CREB5: variants seen among roughly 807,000 people sequenced by gnomAD.
CREB5 encodes cyclic AMP-responsive element-binding protein 5.
Under a neutral mutation model 57.1 loss-of-function variants are expected in CREB5, and 19 were observed. The ratio of observed to expected loss-of-function variants is 0.33; its 90% CI spans 0.23 to 0.49. CREB5 has a LOEUF of 0.49. Ranked by LOEUF, CREB5 falls within the 20% of genes least tolerant of loss-of-function variation. The pLI, the probability that CREB5 is intolerant of heterozygous loss-of-function variation, is 0.99. For missense variants in CREB5, 579 were observed against 671.6 expected (o/e 0.86, Z 1.52); for synonymous variants, 238 against 238.3 (o/e 1.00, Z 0.01).
intron 7 of CREB5, among the ~76,000 whole-genome samples, chr7:28,775,398 A>G (rs1806561428): frequency 6.6e-6 from 1 of 152,064 alleles, no homozygotes; most frequent in South Asian, 2.1e-4. Flanking sequence ...ACAGAACTGT[A>G]TAAGAAATGA....
chr7:28,731,849 A>G (rs1055160743), intron 7 of CREB5, among the ~76,000 whole-genome samples: 1 of 152,176 alleles, frequency 6.6e-6, no homozygotes, highest in Non-Finnish European at 1.5e-5. Context: ...AATGGGCTCA[A>G]TTCTCTATGA....
intron 5 of CREB5, among the ~76,000 whole-genome samples, chr7:28,701,707 G>T (rs34185967): frequency 0.28 from 41,964 of 152,088 alleles, 6,510 homozygotes; most frequent in Middle Eastern, 0.39. Flanking sequence ...TCAAATGATA[G>T]TTATAGTAAT....
intron 7 of CREB5, among the ~76,000 whole-genome samples, chr7:28,754,109 T>C (rs979559280): frequency 6.6e-6 from 1 of 152,152 alleles, no homozygotes; most frequent in East Asian, 1.9e-4. Context: ...TTGTATGCAG[T>C]GTTCCACTCC....
At chr7:28,642,989 C>CAT (rs1554279323) in intron 5 of CREB5, among the ~76,000 whole-genome samples, 1,432 of 70,892 alleles carry the variant, frequency 0.02, 18 homozygotes, top group African/African-American at 0.044. Flanking sequence ...CACACACATA[C>CAT]ACACACACAC....
At chr7:28,685,910 C>A in intron 5 of CREB5, 1 of 436,782 alleles carries the variant, frequency 2.3e-6, no homozygotes. Context: ...TCAGTTCTGC[C>A]AGATTTAAGT....
intron 5 of CREB5, among the ~76,000 whole-genome samples, chr7:28,680,052 G>GGCACAAAT (rs1800512327): frequency 1.3e-5 from 2 of 152,214 alleles, no homozygotes; most frequent in African/African-American, 4.8e-5. Context: ...GGGACTAAGG[G>GGCACAAAT]GCACAAATGA....
intron 1 of CREB5, among the ~76,000 whole-genome samples, chr7:28,359,516 T>C (rs1177093091): frequency 1.3e-5 from 2 of 152,194 alleles, no homozygotes; most frequent in South Asian, 2.1e-4. Context: ...TGGATATCCA[T>C]GTACAGAAGA....
At chr7:28,780,492 C>T in intron 7 of CREB5, among the ~76,000 whole-genome samples, 1 of 152,134 alleles carries the variant, frequency 6.6e-6, no homozygotes, top group East Asian at 1.9e-4. Flanking sequence ...GAGACTGAGG[C>T]AGGCAGATCA....
intron 4 of CREB5, among the ~76,000 whole-genome samples, chr7:28,530,558 T>A (rs1793681404): frequency 6.6e-6 from 1 of 152,224 alleles, no homozygotes; most frequent in South Asian, 2.1e-4. Context: ...TATTTATTTT[T>A]CCTTCTTGCT....
chr7:28,527,027 C>A (rs911416089), intron 4 of CREB5, among the ~76,000 whole-genome samples: 1 of 152,156 alleles, frequency 6.6e-6, no homozygotes, highest in African/African-American at 2.4e-5. Flanking sequence ...GGTGGCAGAA[C>A]CTTGACTTTT....
At chr7:28,805,606 A>G (rs1345183405) in intron 8 of CREB5, among the ~76,000 whole-genome samples, 3 of 152,236 alleles carry the variant, frequency 2.0e-5, no homozygotes, top group Admixed American at 2.0e-4. Context: ...AGCCATCCAC[A>G]GAATGGGTCA....
intron 7 of CREB5, among the ~76,000 whole-genome samples, chr7:28,740,654 G>GA (rs1804277729): frequency 6.6e-6 from 1 of 152,116 alleles, no homozygotes; most frequent in South Asian, 2.1e-4. Context: ...TGAAAAAAAG[G>GA]AAAAAACAGT....
At chr7:28,447,349 G>A (rs572474443) in intron 1 of CREB5, among the ~76,000 whole-genome samples, 78 of 152,342 alleles carry the variant, frequency 5.1e-4, no homozygotes, top group African/African-American at 1.8e-3. Context: ...CCCAAGAAAT[G>A]AAGATGAGGT....
chr7:28,757,757 T>G (rs1166694991), intron 7 of CREB5, among the ~76,000 whole-genome samples: 1 of 152,150 alleles, frequency 6.6e-6, no homozygotes, highest in African/African-American at 2.4e-5. Flanking sequence ...TCCTAAATGC[T>G]GGGGACCAGA....
At chr7:28,447,256 TA>T (rs1272603898) in intron 1 of CREB5, among the ~76,000 whole-genome samples, 2 of 152,176 alleles carry the variant, frequency 1.3e-5, no homozygotes, top group Non-Finnish European at 2.9e-5. Flanking sequence ...CAACAAATGG[TA>T]GTTCTTTTTC....
intron 7 of CREB5, among the ~76,000 whole-genome samples, chr7:28,797,458 G>GAATTTAATTT (rs1173581898): frequency 5.9e-5 from 9 of 152,248 alleles, no homozygotes; most frequent in Non-Finnish European, 8.8e-5. Flanking sequence ...ATTTTTCTAG[G>GAATTTAATTT]TCTTATGGAA....
upstream of CREB5, among the ~76,000 whole-genome samples, chr7:28,408,525 C>T (rs959727936): frequency 6.6e-6 from 1 of 152,180 alleles, no homozygotes; most frequent in African/African-American, 2.4e-5. Context: ...CTCCCCAGCC[C>T]GTGAGCTTGG....
intron 1 of CREB5, among the ~76,000 whole-genome samples, chr7:28,366,943 A>C (rs954213279): frequency 6.6e-5 from 10 of 152,180 alleles, no homozygotes; most frequent in Non-Finnish European, 1.0e-4. Flanking sequence ...TCTTTATTTT[A>C]TTAGGTACAT....
At position 28,560,879 on chromosome 7, in the gene CREB5, C is replaced by CGTGCGTGTGCGTGCGT. The variant is rs1554344366; in HGVS notation, c.292-9479_292-9478insTGCGTGCGTGTGCGTG. ...GTGTGCGTGTGCCTGCGTGCGCGTG[C>CGTGCGTGTGCGTGCGT]GTGCGTGCGTGTGTGTGCGTGCGCG... On this transcript the variant is annotated intron_variant, in intron 4 of 10. Transcript: ENST00000357727. Among the ~76,000 whole-genome samples the CGTGCGTGTGCGTGCGT allele has an allele frequency of 1.6e-3, 35 of 22,054 alleles. 4 individuals are homozygous for CGTGCGTGTGCGTGCGT. Among genetic ancestry groups the CGTGCGTGTGCGTGCGT allele is most frequent in the Non-Finnish European group, 3.2e-3 (31 of 9,682 alleles). The allele number at this position is 22,054 out of a possible 152,430, so 14.5% of individuals were successfully genotyped here. A position where few individuals can be genotyped will look rare whatever the true frequency, so the allele number is the denominator to read the frequency against.
Sources: allele counts gnomAD v4.1 joint callset (sites outside exome capture counted in the v4.1 genomes callset), GRCh38; gene constraint gnomAD v4.1.1; transcripts MANE v1.5; gene names NCBI Gene and HGNC (gene_info 2026-07-23, HGNC 2026-07-21).